Variants in OPCML observed in about 807,000 individuals in gnomAD.
OPCML encodes opioid-binding protein/cell adhesion molecule.
A neutral mutation model predicts 37.8 loss-of-function variants in OPCML; 13 were observed. That is an observed-to-expected ratio of 0.34 (90% CI 0.22 to 0.55). The LOEUF (loss-of-function observed/expected upper bound fraction) is 0.55, where lower values mean the gene tolerates loss of function less well. OPCML is among the 20% of genes least tolerant of loss of function. The pLI is 0.91. For missense variants in OPCML, 341 were observed against 435.6 expected, an observed-to-expected ratio of 0.78 and a Z score of 1.93; for synonymous variants, 176 against 168.8, an observed-to-expected ratio of 1.04 and a Z score of -0.33.
chr11:133,480,727 C>T (rs573947921), intron 1 of OPCML, among the ~76,000 whole-genome samples: 2 of 152,336 alleles, frequency 1.3e-5, no homozygotes, highest in African/African-American at 4.8e-5. Context: ...TATTATTATG[C>T]ATCTATTCCA....
intron 4 of OPCML, among the ~76,000 whole-genome samples, chr11:132,510,189 T>A (rs1445363917): frequency 6.6e-6 from 1 of 152,162 alleles, no homozygotes; most frequent in Non-Finnish European, 1.5e-5. Context: ...TTTGGCCAAT[T>A]TCTCCCTTTT....
At chr11:132,594,297 A>G (rs1341945052) in intron 3 of OPCML, among the ~76,000 whole-genome samples, 2 of 152,224 alleles carry the variant, frequency 1.3e-5, no homozygotes, top group Admixed American at 6.5e-5. Flanking sequence ...AGATTTGCCA[A>G]CAATATTTTT....
intron 2 of OPCML, 41 bp from the exon 3 acceptor site, chr11:132,657,360 A>C (rs1941760332): frequency 6.2e-7 from 1 of 1,606,896 alleles, no homozygotes; most frequent in Admixed American, 1.7e-5. Flanking sequence ...GAAGAAGGGA[A>C]AGAGAGAGAG....
At chr11:132,715,184 G>A (rs528245838) in intron 2 of OPCML, among the ~76,000 whole-genome samples, 1 of 152,306 alleles carries the variant, frequency 6.6e-6, no homozygotes, top group East Asian at 1.9e-4. Flanking sequence ...GCAAGACAGA[G>A]TCTAGCTCAG....
intron 6 of OPCML, 176 bp from the exon 7 acceptor site, chr11:132,436,413 A>C: frequency 1.0e-6 from 1 of 976,486 alleles, no homozygotes; most frequent in Non-Finnish European, 1.2e-6. Flanking sequence ...ACTGGCTTCT[A>C]ATTCCCAACG....
chr11:132,825,545 T>C (rs570816306), intron 2 of OPCML, among the ~76,000 whole-genome samples: 1 of 152,214 alleles, frequency 6.6e-6, no homozygotes, highest in Non-Finnish European at 1.5e-5. Flanking sequence ...GTTAATGAGA[T>C]AAAGTTTGTA....
intron 1 of OPCML, among the ~76,000 whole-genome samples, chr11:133,357,716 AAGG>A (rs1453866496): frequency 1.3e-5 from 2 of 152,096 alleles, no homozygotes; most frequent in Non-Finnish European, 2.9e-5. Context: ...CTCCTTTTCA[AAGG>A]ATAAAGATTC....
intron 1 of OPCML, among the ~76,000 whole-genome samples, chr11:133,129,351 C>T (rs975738598): frequency 4.6e-5 from 7 of 152,074 alleles, no homozygotes; most frequent in East Asian, 1.9e-4. Context: ...TTGCTCCTAG[C>T]CACCACGCAG....
chr11:133,105,915 GA>G (rs1185938228), intron 1 of OPCML, among the ~76,000 whole-genome samples: 2 of 152,082 alleles, frequency 1.3e-5, no homozygotes, highest in African/African-American at 4.8e-5. Flanking sequence ...CCGGGAGGCA[GA>G]GGTTGAAGTG....
At chr11:133,195,422 A>C (rs1938499401) in intron 1 of OPCML, among the ~76,000 whole-genome samples, 1 of 152,236 alleles carries the variant, frequency 6.6e-6, no homozygotes, top group South Asian at 2.1e-4. Flanking sequence ...CTTTCTGCAA[A>C]ACCCCAGCTT....
intron 2 of OPCML, among the ~76,000 whole-genome samples, chr11:132,935,139 C>CAA (rs1945328602): frequency 7.6e-6 from 1 of 132,064 alleles, no homozygotes; most frequent in African/African-American, 3.0e-5. Flanking sequence ...AATTCCATCT[C>CAA]AGAAAAAAAA....
chr11:132,714,456 ATCT>A (rs1944391451), intron 2 of OPCML, among the ~76,000 whole-genome samples: 1 of 152,230 alleles, frequency 6.6e-6, no homozygotes, highest in Non-Finnish European at 1.5e-5. Flanking sequence ...TCAAAAGCAC[ATCT>A]TCTTCTACAG....
intron 1 of OPCML, among the ~76,000 whole-genome samples, chr11:133,354,306 G>A (rs79405254): frequency 0.12 from 502 of 4,250 alleles, 1 homozygote; most frequent in Admixed American, 0.14. Flanking sequence ...TGGTGGTGAC[G>A]TGTTGGTAGT....
intron 1 of OPCML, among the ~76,000 whole-genome samples, chr11:133,188,881 C>T (rs1387972507): frequency 6.6e-6 from 1 of 152,118 alleles, no homozygotes; most frequent in Non-Finnish European, 1.5e-5. Context: ...GAGTTCTGCA[C>T]TTTGACACTC....
chr11:133,411,432 C>A (rs1460958015), intron 1 of OPCML, among the ~76,000 whole-genome samples: 2 of 152,062 alleles, frequency 1.3e-5, no homozygotes. Context: ...GAGGGCCAGG[C>A]CCAGGGAGGA....
At chr11:132,826,877 G>A (rs1443119647) in intron 2 of OPCML, among the ~76,000 whole-genome samples, 2 of 152,158 alleles carry the variant, frequency 1.3e-5, no homozygotes, top group African/African-American at 4.8e-5. Context: ...AATACTTTTA[G>A]TGTCCATAAG....
chr11:133,030,489 A>G (rs899340766), intron 1 of OPCML, among the ~76,000 whole-genome samples: 3 of 152,204 alleles, frequency 2.0e-5, no homozygotes, highest in Non-Finnish European at 2.9e-5. Flanking sequence ...TAATCTGTAC[A>G]TAAGGACAGA....
At chr11:133,495,054 C>T (rs900913759) in intron 1 of OPCML, among the ~76,000 whole-genome samples, 1 of 151,440 alleles carries the variant, frequency 6.6e-6, no homozygotes, top group Non-Finnish European at 1.5e-5. Context: ...ATCCCTTGCC[C>T]CCTGCCACTC....
chr11:133,477,887 A>AT (rs1230334824), intron 1 of OPCML, among the ~76,000 whole-genome samples: 4 of 152,158 alleles, frequency 2.6e-5, no homozygotes, highest in African/African-American at 9.7e-5. Flanking sequence ...CAAAGACGAG[A>AT]TTTTATCTGC....
Sources: allele counts gnomAD v4.1 joint callset (sites outside exome capture counted in the v4.1 genomes callset), GRCh38; gene constraint gnomAD v4.1.1; transcripts MANE v1.5; gene names NCBI Gene and HGNC (gene_info 2026-07-23, HGNC 2026-07-21).